Variants in SEL1L2 observed in about 807,000 individuals in gnomAD.
SEL1L2 encodes the protein protein sel-1 homolog 2.
In SEL1L2, 89 loss-of-function variants were observed where a neutral mutation model predicts 98.8. That is an observed-to-expected ratio of 0.90 (90% CI 0.76 to 1.07). SEL1L2 has a LOEUF of 1.07. Among genes scored for constraint, SEL1L2 ranks in the 50% least tolerant of loss-of-function variants. SEL1L2 has a pLI of 0.00. For synonymous variants in SEL1L2, 262 were observed against 278.5 expected, an observed-to-expected ratio of 0.94 and a Z score of 0.59; for missense variants, 788 against 812.0, an observed-to-expected ratio of 0.97 and a Z score of 0.36.
At chr20:13,878,235 G>T (rs999671503) in intron 10 of SEL1L2, among the ~76,000 whole-genome samples, 2 of 152,038 alleles carry the variant, frequency 1.3e-5, no homozygotes, top group African/African-American at 4.8e-5. Flanking sequence ...TCGACCTTCC[G>T]GAAAGCCCCT....
At chr20:13,959,170 A>G (rs1028327299) in intron 1 of SEL1L2, among the ~76,000 whole-genome samples, 4 of 152,312 alleles carry the variant, frequency 2.6e-5, no homozygotes, top group Non-Finnish European at 4.4e-5. Context: ...GAAGATTTGA[A>G]AAATCATCAT....
intron 5 of SEL1L2, among the ~76,000 whole-genome samples, chr20:13,897,721 C>T (rs550164018): frequency 6.6e-6 from 1 of 151,882 alleles, no homozygotes; most frequent in African/African-American, 2.4e-5. Flanking sequence ...AATAAGAGCC[C>T]GGGCATGGTG....
intron 2 of SEL1L2, among the ~76,000 whole-genome samples, chr20:13,950,193 GT>G (rs202063999): frequency 1.3e-5 from 2 of 151,154 alleles, no homozygotes; most frequent in South Asian, 2.1e-4. Context: ...AGAGGTTTTT[GT>G]TTTTTTTTAA....
chr20:13,890,600 C>A (rs1242078139), intron 5 of SEL1L2, among the ~76,000 whole-genome samples: 1 of 151,848 alleles, frequency 6.6e-6, no homozygotes, highest in African/African-American at 2.4e-5. Flanking sequence ...ATAATAACAA[C>A]AACAACAACA....
At chr20:13,909,822 C>T (rs1450333312) in intron 5 of SEL1L2, among the ~76,000 whole-genome samples, 2 of 151,968 alleles carry the variant, frequency 1.3e-5, no homozygotes, top group Non-Finnish European at 2.9e-5. Flanking sequence ...AAAAATTAGC[C>T]AGGTGTGGTG....
At chr20:13,870,524 C>G (rs576572755) in intron 12 of SEL1L2, among the ~76,000 whole-genome samples, 1 of 152,292 alleles carries the variant, frequency 6.6e-6, no homozygotes, top group East Asian at 1.9e-4. Context: ...AAGCCATGAT[C>G]CCTGCCTTGA....
At chr20:13,912,292 ATTTT>A (rs11478603) in intron 5 of SEL1L2, among the ~76,000 whole-genome samples, 1 of 111,346 alleles carries the variant, frequency 9.0e-6, no homozygotes, top group Non-Finnish European at 1.8e-5. Flanking sequence ...TTTCTGTGGG[ATTTT>A]TTTTTTTTTT....
chr20:13,881,557 A>G (rs1163314715), intron 10 of SEL1L2, among the ~76,000 whole-genome samples: 1 of 152,260 alleles, frequency 6.6e-6, no homozygotes, highest in African/African-American at 2.4e-5. Context: ...AAATAAAATT[A>G]AAATCTATGT....
At chr20:13,870,359 A>G (rs554567507) in intron 12 of SEL1L2, 156 bp from the exon 13 acceptor site, 7 of 563,452 alleles carry the variant, frequency 1.2e-5, no homozygotes, top group African/African-American at 9.5e-5. Context: ...CTCCTTTTAT[A>G]CTTTCATAAA....
intron 12 of SEL1L2, among the ~76,000 whole-genome samples, chr20:13,871,940 A>C (rs2046222052): frequency 6.6e-6 from 1 of 152,202 alleles, no homozygotes; most frequent in African/African-American, 2.4e-5. Context: ...GTTATTGTAG[A>C]TGCAGCCGGA....
chr20:13,990,705 G>A, upstream of SEL1L2: 1 of 569,470 alleles, frequency 1.8e-6, no homozygotes, highest in Admixed American at 3.5e-5. Context: ...CCGGAATGAA[G>A]GCAGCTGCTG....
chr20:13,993,279 T>G (rs2052573445), upstream of SEL1L2, among the ~76,000 whole-genome samples: 1 of 152,186 alleles, frequency 6.6e-6, no homozygotes, highest in South Asian at 2.1e-4. Context: ...CGATTTGATA[T>G]GAGAGTGAAG....
chr20:13,909,446 T>C (rs1012022679), intron 5 of SEL1L2, among the ~76,000 whole-genome samples: 1 of 152,266 alleles, frequency 6.6e-6, no homozygotes, highest in East Asian at 1.9e-4. Context: ...GTGACAGGGA[T>C]GATAGTCAAA....
chr20:13,971,926 G>C (rs2051302065), intron 1 of SEL1L2, among the ~76,000 whole-genome samples: 1 of 151,908 alleles, frequency 6.6e-6, no homozygotes, highest in African/African-American at 2.4e-5. Context: ...TTAACTCTCT[G>C]TTCTGTTTTC....
chr20:13,919,297 G>A (rs571005105), intron 3 of SEL1L2, among the ~76,000 whole-genome samples, 174 bp from the exon 4 acceptor site: 123 of 152,338 alleles, frequency 8.1e-4, no homozygotes, highest in African/African-American at 2.7e-3. Flanking sequence ...GCGTCGGTAG[G>A]TCAGAAGGCT....
intron 17 of SEL1L2, among the ~76,000 whole-genome samples, chr20:13,864,330 C>A (rs2147804713): frequency 6.6e-6 from 1 of 152,258 alleles, no homozygotes; most frequent in East Asian, 1.9e-4. Context: ...ATTTTTTATC[C>A]TATTCACTTC....
At chr20:13,980,256 C>T (rs2051746649) in intron 1 of SEL1L2, among the ~76,000 whole-genome samples, 1 of 152,166 alleles carries the variant, frequency 6.6e-6, no homozygotes, top group Admixed American at 6.5e-5. Flanking sequence ...TGCTTTGTTG[C>T]CCAGGCTGGA....
At chr20:13,889,238 G>A (rs1296830041) in intron 5 of SEL1L2, among the ~76,000 whole-genome samples, 1 of 151,404 alleles carries the variant, frequency 6.6e-6, no homozygotes, top group Non-Finnish European at 1.5e-5. Flanking sequence ...CACCTGCCTC[G>A]GCCTCCCAAA....
chr20:13,981,306 G>A (rs530659279), intron 1 of SEL1L2, among the ~76,000 whole-genome samples: 3 of 152,130 alleles, frequency 2.0e-5, no homozygotes, highest in Non-Finnish European at 4.4e-5. Flanking sequence ...GCTGGGGAGG[G>A]GGGTGTGGGG....
Sources: allele counts gnomAD v4.1 joint callset (sites outside exome capture counted in the v4.1 genomes callset), GRCh38; gene constraint gnomAD v4.1.1; transcripts MANE v1.5; gene names NCBI Gene and HGNC (gene_info 2026-07-23, HGNC 2026-07-21).